The following COX6B1 variants were observed in gnomAD, a reference collection of about 807,000 sequenced individuals.
The protein encoded by COX6B1 is COX VIb-1.
In COX6B1, 2 loss-of-function variants were observed where a neutral mutation model predicts 14.0. That is an observed-to-expected ratio of 0.14 (90% CI 0.06 to 0.45). The LOEUF (loss-of-function observed/expected upper bound fraction) is 0.45, where lower values mean the gene tolerates loss of function less well. Ranked by LOEUF, COX6B1 falls within the 20% of genes least tolerant of loss-of-function variation. The pLI is 0.98. For missense variants in COX6B1, 81 were observed against 114.2 expected (o/e 0.71, Z 1.33); for synonymous variants, 30 against 39.7 (o/e 0.76, Z 0.92).
chr19:35,648,600 TTTAA>T, intron 1 of COX6B1, 197 bp downstream of exon 1: 1 of 343,048 alleles, frequency 2.9e-6, no homozygotes, highest in South Asian at 2.2e-5. Flanking sequence ...CCCAAACAAC[TTTAA>T]TTAATTTATT....
chr19:35,652,546 T>G (rs1967837978), intron 2 of COX6B1, among the ~76,000 whole-genome samples: 1 of 151,722 alleles, frequency 6.6e-6, no homozygotes, highest in Admixed American at 6.6e-5. Context: ...GCAATTCTCC[T>G]GTCTCAGCCT....
At chr19:35,649,502 A>G (rs1486481507) in intron 1 of COX6B1, among the ~76,000 whole-genome samples, 1 of 148,932 alleles carries the variant, frequency 6.7e-6, no homozygotes, top group African/African-American at 2.5e-5. Flanking sequence ...TTTTTGAGAC[A>G]AGATCTTGCT....
At chr19:35,654,316 C>T (rs1967863790) in intron 2 of COX6B1, among the ~76,000 whole-genome samples, 1 of 152,132 alleles carries the variant, frequency 6.6e-6, no homozygotes, top group Non-Finnish European at 1.5e-5. Context: ...ACCAGCCTGG[C>T]CAACATGGCG....
At chr19:35,658,090 C>A (rs1274141519) in intron 3 of COX6B1, among the ~76,000 whole-genome samples, 1 of 152,138 alleles carries the variant, frequency 6.6e-6, no homozygotes. Context: ...CCACACCCAG[C>A]CTCCATCATT....
At chr19:35,650,204 A>C (rs149739708) in intron 1 of COX6B1, among the ~76,000 whole-genome samples, 2,425 of 152,010 alleles carry the variant, frequency 0.016, 76 homozygotes, top group African/African-American at 0.055. Context: ...GGGTTTCACC[A>C]TGTTGGCCAG....
chr19:35,657,125 T>G (rs548585942), intron 3 of COX6B1, among the ~76,000 whole-genome samples: 20 of 152,148 alleles, frequency 1.3e-4, no homozygotes, highest in African/African-American at 4.6e-4. Context: ...TCTGTTATTA[T>G]TACATTATAT....
At chr19:35,648,675 G>C in intron 1 of COX6B1, 1 of 376,116 alleles carries the variant, frequency 2.7e-6, no homozygotes, top group Non-Finnish European at 5.3e-6. Flanking sequence ...TCAGTAAACA[G>C]GCTCAGAGAT....
intron 3 of COX6B1, 150 bp from the exon 4 acceptor site, chr19:35,658,444 T>C (rs1967910991): frequency 2.8e-6 from 2 of 701,836 alleles, no homozygotes; most frequent in Middle Eastern, 2.4e-4. Context: ...TTGGGGTCAC[T>C]GCTGATTCCC....
At chr19:35,651,096 C>A in intron 1 of COX6B1, 137 bp from the exon 2 acceptor site, 1 of 693,514 alleles carries the variant, frequency 1.4e-6, no homozygotes, top group Non-Finnish European at 2.6e-6. Context: ...CCCCTCATCT[C>A]TGTGTATGTT....
At chr19:35,656,281 T>C (rs1384683400) in intron 3 of COX6B1, among the ~76,000 whole-genome samples, 1 of 152,222 alleles carries the variant, frequency 6.6e-6, no homozygotes, top group African/African-American at 2.4e-5. Flanking sequence ...TTGATCTTGA[T>C]AGTCTTTATG....
intron 2 of COX6B1, among the ~76,000 whole-genome samples, chr19:35,652,943 C>T (rs1473608275): frequency 4.0e-5 from 6 of 150,444 alleles, no homozygotes; most frequent in East Asian, 2.0e-4. Context: ...GGAATACAGG[C>T]GCTCGCCACC....
chr19:35,655,014 CT>C lies in COX6B1; in HGVS notation c.207+354del, dbSNP rs759249655. On this transcript the variant is annotated intron_variant, in intron 3 of 3. Transcript: ENST00000649813. ...TTTTTTATTAGGAACATTTTTTTTT[CT>C]TTTTTTTTTTCTTTTTTTTTTTTTA... Among the ~76,000 whole-genome samples the C allele has an allele frequency of 2.8e-4, 40 of 140,992 alleles. 1 individual carries two copies. Among genetic ancestry groups the C allele is most frequent in the Non-Finnish European group, 3.3e-4 (21 of 64,030 alleles). 92.5% of individuals were successfully genotyped at this position (140,992 alleles called of 152,430 possible). A position where few individuals can be genotyped will look rare whatever the true frequency, so the allele number is the denominator to read the frequency against.
intron 1 of COX6B1, chr19:35,648,859 G>C (rs372448446): frequency 3.4e-5 from 18 of 533,234 alleles, no homozygotes; most frequent in African/African-American, 3.1e-4. Context: ...GGGCCGCAGC[G>C]TCATCTCCGA....
intron 3 of COX6B1, among the ~76,000 whole-genome samples, chr19:35,656,370 T>C (rs1967889198): frequency 6.6e-6 from 1 of 152,088 alleles, no homozygotes; most frequent in African/African-American, 2.4e-5. Flanking sequence ...ACAATCTATA[T>C]AGTAGGAGTC....
intron 1 of COX6B1, among the ~76,000 whole-genome samples, chr19:35,649,907 C>A (rs1967806030): frequency 6.6e-6 from 1 of 152,104 alleles, no homozygotes; most frequent in Admixed American, 6.6e-5. Flanking sequence ...CAGGTGTGAA[C>A]CATTGTGCTC....
intron 2 of COX6B1, among the ~76,000 whole-genome samples, chr19:35,654,118 G>A (rs1967861604): frequency 6.6e-6 from 1 of 152,226 alleles, no homozygotes; most frequent in Admixed American, 6.5e-5. Context: ...GTGGCATATA[G>A]CTTGCTCATT....
rs1967820919 is a variant in COX6B1, at chr19:35,651,238, AG to A, written c.-5del. On this transcript the variant is annotated 5_prime_UTR_variant, in exon 2 of 4. Transcript: ENST00000649813. ...CCCACTCCTTTCGCCTCCAGGATTC[AG>A]CACCATGGCGGAAGACATGGAGACC... 1.9e-6 allele frequency: 3 copies of A among 1,611,164 alleles called. No homozygotes were observed. The highest frequency in any genetic ancestry group is 2.5e-6 in the Non-Finnish European group (3 of 1,177,552).
At chr19:35,652,362 C>A (rs1284647721) in intron 2 of COX6B1, among the ~76,000 whole-genome samples, 1 of 151,970 alleles carries the variant, frequency 6.6e-6, no homozygotes, top group Non-Finnish European at 1.5e-5. Flanking sequence ...GTCTGGAACA[C>A]AGCACCCCGC....
chr19:35,654,277 C>T (rs1967863058), intron 2 of COX6B1, among the ~76,000 whole-genome samples: 1 of 152,088 alleles, frequency 6.6e-6, no homozygotes, highest in South Asian at 2.1e-4. Flanking sequence ...AATCCTAGCA[C>T]TTTGGGAGGC....
Sources: allele counts gnomAD v4.1 joint callset (sites outside exome capture counted in the v4.1 genomes callset), GRCh38; gene constraint gnomAD v4.1.1; transcripts MANE v1.5; gene names NCBI Gene and HGNC (gene_info 2026-07-23, HGNC 2026-07-21).